PDXK: variants seen among roughly 807,000 people sequenced by gnomAD.
PDXK encodes the protein pyridoxal kinase, also known as epididymis secretory sperm binding protein Li 1a.
PDXK carries 15 observed loss-of-function variants against 43.2 expected under a neutral mutation model. The observed-to-expected ratio is 0.35, with a 90% CI of 0.23 to 0.53. The LOEUF (loss-of-function observed/expected upper bound fraction) is 0.53, where lower values mean the gene tolerates loss of function less well. Ranked by LOEUF, PDXK falls within the 20% of genes least tolerant of loss-of-function variation. PDXK has a pLI of 0.92. For missense variants in PDXK, 343 were observed against 417.0 expected (o/e 0.82, Z 1.54); for synonymous variants, 172 against 165.4 (o/e 1.04, Z -0.31).
intron 2 of PDXK, chr21:43,738,105 CT>C: frequency 1.1e-6 from 1 of 942,578 alleles, no homozygotes; most frequent in Non-Finnish European, 1.3e-6. Context: ...ATGTTGCAGC[CT>C]TAACCCCAGC....
Position 43,719,369 on chromosome 21 carries a change from G to A in PDXK, c.75G>A (p.Thr25=). 1 of 1,523,838 alleles carries A rather than the reference G, an allele frequency of 6.6e-7. No individual in the cohort carries two copies. The highest frequency in any genetic ancestry group is 8.8e-7 in the Non-Finnish European group (1 of 1,136,740). 94.4% of individuals were successfully genotyped at this position (1,523,838 alleles called of 1,614,324 possible). The change falls in exon 1 of 11, where the codon ACG becomes ACA. Residue 25 remains threonine, a synonymous_variant. Transcript: ENST00000291565. Reference sequence around the variant, plus strand: ...GCTACGTGGGCAACCGGGCGGCCACGTTCCCGCTGCAGGTACGCATCCGCC... The same window carrying A: ...GCTACGTGGGCAACCGGGCGGCCACATTCCCGCTGCAGGTACGCATCCGCC... ...IRGYVGNRAA[T]FPLQVLGFEI...
intron 2 of PDXK, among the ~76,000 whole-genome samples, chr21:43,736,542 G>A (rs1441454215): frequency 6.6e-6 from 1 of 152,202 alleles, no homozygotes; most frequent in Non-Finnish European, 1.5e-5. Context: ...GGTTGCACAG[G>A]CTGCGCCTGA....
chr21:43,745,059 C>T (rs978047509), intron 4 of PDXK, among the ~76,000 whole-genome samples: 2 of 152,268 alleles, frequency 1.3e-5, no homozygotes, highest in Middle Eastern at 3.4e-3. Context: ...TAGGAAAGGC[C>T]AGTTCATCGA....
At chr21:43,740,279 C>T (rs1334486489) in intron 2 of PDXK, among the ~76,000 whole-genome samples, 1 of 152,126 alleles carries the variant, frequency 6.6e-6, no homozygotes, top group Non-Finnish European at 1.5e-5. Context: ...CAGGAGGGCC[C>T]TCAGGGGCAG....
chr21:43,737,276 G>A lies in PDXK; in HGVS notation c.142+3153G>A. 1.4e-6 allele frequency: 2 copies of A among 1,414,906 alleles called. No individual in the cohort carries two copies. The highest frequency in any genetic ancestry group is 2.9e-5 in the African/African-American group (2 of 69,302). 87.6% of individuals were successfully genotyped at this position (1,414,906 alleles called of 1,614,324 possible). A position where few individuals can be genotyped will look rare whatever the true frequency, so the allele number is the denominator to read the frequency against. On this transcript the variant is annotated intron_variant, in intron 2 of 10. Transcript: ENST00000291565. This position sits in a 1 kb window ranked among gnomAD's most constrained non-coding sequence, Gnocchi z 4.8. ...CCCCAAGTGCCTGCAGAGCCCACCT[G>A]GCGCAGGCCTCGCCGCCTCGAGGCT... is the stretch of plus-strand genomic sequence containing the variant.
intron 7 of PDXK, 82 bp downstream of exon 7, chr21:43,750,627 A>G (rs2083719825): frequency 9.2e-7 from 1 of 1,088,902 alleles, no homozygotes; most frequent in East Asian, 2.5e-5. Context: ...GAGTGGCACC[A>G]CTGTGTCATT....
chr21:43,741,796 AG>A, intron 3 of PDXK, 25 bp downstream of exon 3: 1 of 1,481,618 alleles, frequency 6.7e-7, no homozygotes, highest in Non-Finnish European at 9.4e-7. Flanking sequence ...AAGCTGCCGC[AG>A]GGGACTACGC....
chr21:43,736,277 G>A (rs990414482), intron 2 of PDXK, among the ~76,000 whole-genome samples: 5 of 152,318 alleles, frequency 3.3e-5, no homozygotes, highest in African/African-American at 1.2e-4. Context: ...TGTAGGGGCT[G>A]TTCTGCTCCG....
chr21:43,740,532 C>T (rs751459582), intron 2 of PDXK, among the ~76,000 whole-genome samples: 1 of 152,030 alleles, frequency 6.6e-6, no homozygotes, highest in Admixed American at 6.6e-5. Context: ...GTGGGGTATC[C>T]ATGGTGGACC....
At position 43,735,976 on chromosome 21, in the gene PDXK, C is replaced by A. The variant is rs1285287260; in HGVS notation, c.142+1853C>A. Among the ~76,000 whole-genome samples, 3 of 152,172 alleles carry A rather than the reference C, an allele frequency of 2.0e-5. No individual in the cohort carries two copies. The highest frequency in any genetic ancestry group is 2.9e-5 in the Non-Finnish European group (2 of 68,026). ...GTGCCACGGGAGCTGGTGGTCAAGA[C>A]GGGGGACTCGGCCTCCTCCGTGCAG... On this transcript the variant is annotated intron_variant, in intron 2 of 10. Coordinates refer to ENST00000291565, the MANE Select transcript of PDXK (RefSeq NM_003681.5). This position sits in a 1 kb window ranked among gnomAD's most constrained non-coding sequence, Gnocchi z 5.3.
chr21:43,725,625 C>G (rs2083246058), intron 1 of PDXK, among the ~76,000 whole-genome samples: 1 of 152,058 alleles, frequency 6.6e-6, no homozygotes, highest in Admixed American at 6.5e-5. Context: ...GCCTGGCCAA[C>G]ATGGTGAAGC....
intron 1 of PDXK, 143 bp from the exon 2 acceptor site, chr21:43,733,926 G>A: frequency 2.7e-6 from 2 of 748,356 alleles, no homozygotes; most frequent in South Asian, 3.1e-5. Context: ...CTGCTCTGAT[G>A]CGTCAGCCCT....
In PDXK at chr21:43,728,555, G is replaced by A. The variant is rs1389332540; in HGVS notation, c.88-5514G>A. Among the ~76,000 whole-genome samples the A allele has an allele frequency of 3.3e-5, 5 of 152,204 alleles. No individual in the cohort carries two copies. The East Asian group carries it at 9.6e-4, about 29-fold the overall frequency. ...TGAGTCACCCTGCCTCCCCGGAGGAGGAGGAGGATCAGCTGAGCCGCCGCG... is the reference window on the plus strand; with the variant it reads ...TGAGTCACCCTGCCTCCCCGGAGGAAGAGGAGGATCAGCTGAGCCGCCGCG... On this transcript the variant is annotated intron_variant, in intron 1 of 10. Transcript: ENST00000291565.
At chr21:43,736,593 C>T (rs1465760946) in intron 2 of PDXK, among the ~76,000 whole-genome samples, 4 of 150,720 alleles carry the variant, frequency 2.7e-5, no homozygotes, top group East Asian at 1.9e-4. Flanking sequence ...GGAGCTCATT[C>T]GCGACTCTGC....
intron 2 of PDXK, among the ~76,000 whole-genome samples, chr21:43,740,582 G>C (rs2083481091): frequency 6.6e-6 from 1 of 151,970 alleles, no homozygotes; most frequent in Non-Finnish European, 1.5e-5. Context: ...GCAGTGCTTT[G>C]AGCTGGAGCT....
At chr21:43,738,808 T>G (rs9984818) in intron 2 of PDXK, 1 of 152,296 alleles carries the variant, frequency 6.6e-6, no homozygotes, top group Non-Finnish European at 1.5e-5. Context: ...TCGCCCTGAA[T>G]ATCTGCTTCT....
intron 6 of PDXK, 76 bp downstream of exon 6, chr21:43,749,156 G>A (rs192612266): frequency 1.4e-5 from 12 of 873,964 alleles, no homozygotes; most frequent in Middle Eastern, 2.7e-4. Flanking sequence ...CCAGGCTGGA[G>A]TGCAGTGGCA....
At position 43,734,271 on chromosome 21, in the gene PDXK, G is replaced by A. The variant is rs1264076753; in HGVS notation, c.142+148G>A. ...GGACCTGGAGTCCTGGGCGTCGCTC[G>A]GGCAGAGCCTGCACAGCATATCAGG... On this transcript the variant is annotated intron_variant, in intron 2 of 10. Coordinates refer to ENST00000291565, the MANE Select transcript of PDXK (RefSeq NM_003681.5). This position sits in a 1 kb window ranked among gnomAD's most constrained non-coding sequence, Gnocchi z 5.0. 14 of 744,260 alleles carry A rather than the reference G, an allele frequency of 1.9e-5. No individual in the cohort carries two copies. Among genetic ancestry groups the A allele is most frequent in the Non-Finnish European group, 2.3e-5 (10 of 429,610 alleles). 46.1% of individuals were successfully genotyped at this position (744,260 alleles called of 1,614,324 possible). A position where few individuals can be genotyped will look rare whatever the true frequency, so the allele number is the denominator to read the frequency against.
chr21:43,719,260 C>G lies in PDXK; in HGVS notation c.-35C>G. The G allele has an allele frequency of 7.7e-7, 1 of 1,301,394 alleles. No homozygotes were observed. The highest frequency in any genetic ancestry group is 1.0e-6 in the Non-Finnish European group (1 of 994,620). 80.6% of individuals were successfully genotyped at this position (1,301,394 alleles called of 1,614,324 possible). On this transcript the variant is annotated 5_prime_UTR_variant, in exon 1 of 11. Coordinates refer to ENST00000291565, the MANE Select transcript of PDXK (RefSeq NM_003681.5). The stretch of plus-strand genomic sequence containing the variant: ...GAGCGAGCGGCGGAGACCGTGCCCC[C>G]GCCTCGGCCCCGCGCCGCCGCGGCC...
Sources: gnomAD v4.1 joint callset for allele counts (sites outside exome capture counted in the v4.1 genomes callset) on GRCh38, gnomAD v4.1.1 for gene constraint, Gnocchi (gnomAD v3.1) non-coding constraint, MANE v1.5 for transcripts, NCBI Gene and HGNC (gene_info 2026-07-23, HGNC 2026-07-21) for gene names.